Variants in HERC2 observed in about 807,000 individuals in gnomAD.
The protein encoded by HERC2 is E3 ubiquitin-protein ligase HERC2.
HERC2 carries 102 observed loss-of-function variants against 537.7 expected under a neutral mutation model. That is an observed-to-expected ratio of 0.19 (90% CI 0.16 to 0.22). The LOEUF is 0.22. Among genes scored for constraint, HERC2 ranks in the 10% least tolerant of loss-of-function variants. The pLI is 1.00. For missense variants in HERC2, 4,236 were observed against 6,198.2 expected, an observed-to-expected ratio of 0.68 and a Z score of 10.63; for synonymous variants, 2,224 against 2,466.2, an observed-to-expected ratio of 0.90 and a Z score of 2.91.
chr15:28,251,865 C>T (rs1435034275), intron 20 of HERC2, among the ~76,000 whole-genome samples: 2 of 152,142 alleles, frequency 1.3e-5, no homozygotes, highest in Non-Finnish European at 2.9e-5. Context: ...ATTACCATTT[C>T]AACATGATAT....
intron 65 of HERC2, among the ~76,000 whole-genome samples, chr15:28,173,635 C>CCAAA (rs780938892): frequency 8.6e-5 from 13 of 151,782 alleles, no homozygotes; most frequent in Non-Finnish European, 1.8e-4. Context: ...CCTCTCTCCA[C>CCAAA]CAAACAAACA....
chr15:28,310,375 G>A (rs2076908325), intron 2 of HERC2, among the ~76,000 whole-genome samples: 1 of 152,022 alleles, frequency 6.6e-6, no homozygotes, highest in African/African-American at 2.4e-5. Flanking sequence ...AGACCAGGAG[G>A]TAGAGGCTGC....
In HERC2 at chr15:28,256,185, A is replaced by G; in HGVS notation, c.2650T>C (p.Ser884Pro). ...CTCTGCAGCACGGCCTGGGCGGCCG[A>G]CTGCACGGTGCTCAGCACGCCCGCA... Reference protein sequence around the residue: ...SSAGVLSTVQSAAQAVLQSGW... With the variant: ...SSAGVLSTVQPAAQAVLQSGW... The change falls in exon 18 of 93, where the codon TCG (serine) becomes CCG (proline). Residue 884 changes from serine to proline, a missense_variant. Transcript: ENST00000261609. 2 of 1,601,440 alleles carry G rather than the reference A, an allele frequency of 1.2e-6. No individual in the cohort carries two copies. Among genetic ancestry groups the G allele is most frequent in the Non-Finnish European group, 1.7e-6 (2 of 1,179,838 alleles).
intron 43 of HERC2, among the ~76,000 whole-genome samples, chr15:28,211,680 C>T (rs1899251370): frequency 6.6e-6 from 1 of 152,062 alleles, no homozygotes; most frequent in African/African-American, 2.4e-5. Context: ...TTATTCACCA[C>T]GATGGGAAAC....
At chr15:28,153,632 CAGAG>C (rs1892684504) in intron 69 of HERC2, among the ~76,000 whole-genome samples, 1 of 151,958 alleles carries the variant, frequency 6.6e-6, no homozygotes, top group South Asian at 2.1e-4. Context: ...GCCTGAGCGA[CAGAG>C]AGAGACTCTG....
rs1022571340 is a variant in HERC2, at chr15:28,268,380, T to C, written c.1598+85A>G. 7.6e-7 allele frequency: 1 copy of C among 1,322,716 alleles called. No homozygotes were observed. Among genetic ancestry groups the C allele is most frequent in the African/African-American group, 1.5e-5 (1 of 68,924 alleles). The allele number at this position is 1,322,716 out of a possible 1,614,324, so 81.9% of individuals were successfully genotyped here. ...CATGTCAGGGCAATTGGAAAACACCTGGACACACTTCTGCGCTCCATCCTG... is the reference window on the plus strand; with the variant it reads ...CATGTCAGGGCAATTGGAAAACACCCGGACACACTTCTGCGCTCCATCCTG... On this transcript the variant is annotated intron_variant, in intron 12 of 92. Transcript: ENST00000261609. This position sits in a 1 kb window ranked among gnomAD's most constrained non-coding sequence, Gnocchi z 4.7.
intron 78 of HERC2, among the ~76,000 whole-genome samples, chr15:28,137,514 T>C (rs1474523087): frequency 6.6e-6 from 1 of 152,236 alleles, no homozygotes; most frequent in Non-Finnish European, 1.5e-5. Flanking sequence ...TATTTTAAAC[T>C]TTTTCATTAT....
rs139713317 is a variant in HERC2 at position 28,115,513 on chromosome 15, G to A, written c.13638C>T (p.Thr4546=). The change falls in exon 89 of 93, where the codon ACC becomes ACT. Residue 4546 remains threonine, a synonymous_variant. Transcript: ENST00000261609. ...LGVLLGIAIR[T]GSPLSLNLAE... ...CAAGGTTGAGGCTCAGGGGACTCCCGGTTCGGATGGCAATGCCCAGCAACA... is the reference window on the plus strand; with the variant it reads ...CAAGGTTGAGGCTCAGGGGACTCCCAGTTCGGATGGCAATGCCCAGCAACA... 825 of 1,613,882 alleles carry A rather than the reference G, an allele frequency of 5.1e-4. 2 individuals are homozygous for A. The African/African-American group carries it at 9.6e-3, about 19-fold the overall frequency.
chr15:28,164,256 T>C (rs1049660468), intron 68 of HERC2, among the ~76,000 whole-genome samples: 4 of 151,982 alleles, frequency 2.6e-5, no homozygotes. Flanking sequence ...TCCACAAACA[T>C]AAACAGGCTG....
At chr15:28,184,891 T>G (rs1222853743) in intron 56 of HERC2, among the ~76,000 whole-genome samples, 2 of 147,344 alleles carry the variant, frequency 1.4e-5, no homozygotes, top group Non-Finnish European at 3.0e-5. Flanking sequence ...ATTTTATTTG[T>G]CCAATTCATT....
chr15:28,116,269 A>G (rs1348135485), intron 88 of HERC2, among the ~76,000 whole-genome samples: 2 of 150,018 alleles, frequency 1.3e-5, no homozygotes, highest in Non-Finnish European at 3.0e-5. Context: ...GCTGGAGTGC[A>G]ATGGTACGAT....
intron 52 of HERC2, among the ~76,000 whole-genome samples, chr15:28,195,415 C>T (rs888210253): frequency 5.9e-5 from 9 of 152,006 alleles, no homozygotes; most frequent in Non-Finnish European, 1.3e-4. Flanking sequence ...GAGCCAAGAT[C>T]GTGCCACTGC....
intron 41 of HERC2, 32 bp downstream of exon 41, chr15:28,214,044 G>C (rs571894944): frequency 3.1e-6 from 5 of 1,611,574 alleles, no homozygotes; most frequent in South Asian, 2.2e-5. Context: ...GTTCACCGTT[G>C]AACTAAATTA....
chr15:28,218,255 G>T (rs1900141310), intron 38 of HERC2, among the ~76,000 whole-genome samples: 1 of 152,046 alleles, frequency 6.6e-6, no homozygotes, highest in South Asian at 2.1e-4. Flanking sequence ...CTGGGGCAGA[G>T]CCCTCAAGCA....
chr15:28,264,658 C>T (rs926136886), intron 14 of HERC2, among the ~76,000 whole-genome samples: 2 of 152,206 alleles, frequency 1.3e-5, no homozygotes, highest in Non-Finnish European at 2.9e-5. Flanking sequence ...CATATCATCG[C>T]AAACTTTAAC....
chr15:28,301,764 T>C (rs1307831092), intron 2 of HERC2, among the ~76,000 whole-genome samples: 29 of 116,454 alleles, frequency 2.5e-4, no homozygotes, highest in Admixed American at 5.0e-4. Context: ...TATATATATA[T>C]ATATATATAT....
intron 21 of HERC2, among the ~76,000 whole-genome samples, 178 bp from the exon 22 acceptor site, chr15:28,247,075 A>G (rs1381416490): frequency 6.6e-6 from 1 of 152,202 alleles, no homozygotes; most frequent in East Asian, 1.9e-4. Context: ...CTGGAGGGAC[A>G]GGGTTTTTAT....
intron 59 of HERC2, among the ~76,000 whole-genome samples, chr15:28,178,226 G>A (rs1417273779): frequency 6.6e-6 from 1 of 152,186 alleles, no homozygotes; most frequent in African/African-American, 2.4e-5. Flanking sequence ...TCTGGAGAGG[G>A]GGCTGCGTGG....
At chr15:28,236,755 T>G (rs1368911847) in intron 26 of HERC2, among the ~76,000 whole-genome samples, 2 of 152,048 alleles carry the variant, frequency 1.3e-5, no homozygotes, top group Middle Eastern at 3.4e-3. Context: ...GCCTGGCTAA[T>G]TTTTGTGTTT....
Sources: allele counts gnomAD v4.1 joint callset (sites outside exome capture counted in the v4.1 genomes callset), GRCh38; gene constraint gnomAD v4.1.1; non-coding constraint Gnocchi (gnomAD v3.1); transcripts MANE v1.5; gene names NCBI Gene and HGNC (gene_info 2026-07-23, HGNC 2026-07-21).